ABTB2: variants seen among roughly 807,000 people sequenced by gnomAD.
The protein encoded by ABTB2 is ankyrin repeat and BTB/POZ domain-containing protein 2.
Under a neutral mutation model 104.1 loss-of-function variants are expected in ABTB2, and 56 were observed. The ratio of observed to expected loss-of-function variants is 0.54; its 90% CI spans 0.43 to 0.67. The LOEUF (loss-of-function observed/expected upper bound fraction) is 0.67. ABTB2 is among the 30% of genes least tolerant of loss of function. The pLI is 0.00. For missense variants in ABTB2, 1,279 were observed against 1,407.7 expected (o/e 0.91, Z 1.46); for synonymous variants, 606 against 608.2 (o/e 1.00, Z 0.05).
chr11:34,162,966 G>C lies in ABTB2; in HGVS notation c.1989-161C>G, dbSNP rs1294313653. 2.6e-5 allele frequency among the ~76,000 whole-genome samples: 4 copies of C among 152,266 alleles called. No individual in the cohort carries two copies. In the South Asian group the frequency reaches 8.3e-4, roughly 32 times the overall value. On this transcript the variant is annotated intron_variant, in intron 9 of 16. Transcript: ENST00000435224. ...CCTCCAGGCAGGCCAGGGGTCCCAG[G>C]GTCACCAATCCCCATATACCTCTGA...
At chr11:34,312,353 C>T (rs977736920) in intron 1 of ABTB2, among the ~76,000 whole-genome samples, 4 of 152,064 alleles carry the variant, frequency 2.6e-5, no homozygotes, top group Non-Finnish European at 2.9e-5. Context: ...GACTTAGGGC[C>T]AGAAGATTCA....
At chr11:34,261,884 C>T (rs1052705303) in intron 1 of ABTB2, among the ~76,000 whole-genome samples, 1 of 152,180 alleles carries the variant, frequency 6.6e-6, no homozygotes, top group Non-Finnish European at 1.5e-5. Context: ...CAAATTAAAT[C>T]AGACTTGTTG....
chr11:34,217,833 C>T (rs1853567584), intron 1 of ABTB2, among the ~76,000 whole-genome samples: 1 of 152,178 alleles, frequency 6.6e-6, no homozygotes, highest in Non-Finnish European at 1.5e-5. Context: ...TATCATATAC[C>T]TATGAGTAAC....
At chr11:34,321,684 T>C (rs968553266) in intron 1 of ABTB2, among the ~76,000 whole-genome samples, 6 of 152,218 alleles carry the variant, frequency 3.9e-5, no homozygotes, top group African/African-American at 1.4e-4. Flanking sequence ...TGCATCAAGA[T>C]GTTGGGTTTT....
At chr11:34,294,835 C>T (rs1479150922) in intron 1 of ABTB2, among the ~76,000 whole-genome samples, 1 of 152,074 alleles carries the variant, frequency 6.6e-6, no homozygotes, top group East Asian at 1.9e-4. Context: ...CTGCCTCAGC[C>T]TCCTGAGCAG....
intron 1 of ABTB2, among the ~76,000 whole-genome samples, chr11:34,246,192 T>TCG (rs1853981340): frequency 1.3e-5 from 2 of 151,942 alleles, no homozygotes; most frequent in Non-Finnish European, 2.9e-5. Context: ...AACAACAAAA[T>TCG]CCCCTCAGGC....
chr11:34,160,677 GTGTA>G (rs1195490172), intron 11 of ABTB2, among the ~76,000 whole-genome samples: 1 of 81,020 alleles, frequency 1.2e-5, no homozygotes, highest in Non-Finnish European at 2.5e-5. Flanking sequence ...GCGTGTGTGT[GTGTA>G]TGTGTGTGTT....
intron 1 of ABTB2, among the ~76,000 whole-genome samples, chr11:34,249,385 T>G (rs1854026724): frequency 6.6e-6 from 1 of 152,206 alleles, no homozygotes; most frequent in Non-Finnish European, 1.5e-5. Context: ...CATAAAAATA[T>G]CCAGAGCTGG....
chr11:34,242,401 TGAAG>T (rs1853930601), intron 1 of ABTB2: 1 of 152,236 alleles, frequency 6.6e-6, no homozygotes, highest in South Asian at 2.1e-4. Context: ...AGATAGTGGC[TGAAG>T]GGAGCTTGGC....
At chr11:34,251,020 A>T (rs1172093229) in intron 1 of ABTB2, among the ~76,000 whole-genome samples, 1 of 152,074 alleles carries the variant, frequency 6.6e-6, no homozygotes, top group African/African-American at 2.4e-5. Flanking sequence ...CCCTATATTT[A>T]CTCCTCCTTC....
chr11:34,241,377 A>G (rs2133063318), intron 1 of ABTB2, among the ~76,000 whole-genome samples: 1 of 152,292 alleles, frequency 6.6e-6, no homozygotes, highest in East Asian at 1.9e-4. Flanking sequence ...AACCAGGGAC[A>G]GTCCAAGGGT....
chr11:34,239,809 C>G (rs1853890562), intron 1 of ABTB2, among the ~76,000 whole-genome samples: 1 of 152,218 alleles, frequency 6.6e-6, no homozygotes, highest in South Asian at 2.1e-4. Context: ...AGCTGTCACT[C>G]TGCCCCTCCC....
intron 1 of ABTB2, among the ~76,000 whole-genome samples, chr11:34,352,679 C>T (rs1402612909): frequency 6.6e-6 from 1 of 152,214 alleles, no homozygotes; most frequent in Non-Finnish European, 1.5e-5. Context: ...GCTAGGTGCT[C>T]TTACTATGTC....
intron 1 of ABTB2, among the ~76,000 whole-genome samples, chr11:34,308,868 C>CAAAAAAAAAAAAAAAAAAAA (rs57658114): frequency 1.4e-4 from 11 of 77,786 alleles, no homozygotes; most frequent in Middle Eastern, 8.2e-3. Context: ...GAAACTGTCT[C>CAAAAAAAAAAAAAAAAAAAA]AAAAAAAAAA....
At position 34,164,747 on chromosome 11, in the gene ABTB2, T is replaced by C. The variant is rs770927263; in HGVS notation, c.1927A>G (p.Met643Val). Reference protein sequence around the residue: ...PLLSMLEAHGMGSSLHEDMNC... With the variant: ...PLLSMLEAHGVGSSLHEDMNC... ...ATGTCCTCGTGGAGGGAGGAGCCCA[T>C]GCCGTGGGCCTCCAGCATGCTGAGG... Residue 643 changes from methionine (M) to valine (V), a missense_variant, in exon 9 of 17, where the codon ATG (methionine) becomes GTG (valine). By Grantham distance (21) the Met-to-Val change is conservative. Coordinates refer to ENST00000435224, the MANE Select transcript of ABTB2 (RefSeq NM_145804.3). The C allele has an allele frequency of 2.6e-6, 4 of 1,558,018 alleles. No homozygotes were observed. The highest frequency in any genetic ancestry group is 2.2e-5 in the Admixed American group (1 of 45,040).
rs1399405581 is a variant in ABTB2, at chr11:34,357,265, C to A, written c.319G>T (p.Val107Leu). 3 of 1,496,454 alleles carry A rather than the reference C, an allele frequency of 2.0e-6. No homozygotes were observed. In the East Asian group the frequency reaches 7.6e-5, roughly 38 times the overall value. The allele number at this position is 1,496,454 out of a possible 1,614,324, so 92.7% of individuals were successfully genotyped here. ...FPWTEGDVAR[V>L]LRKGAGGRRL... is the part of the protein sequence containing the mutation. ...CGGCCGCCAGCGCCTTTGCGGAGCACCCGGGCCACGTCTCCTTCGGTCCAG... is the reference window on the plus strand; with the variant it reads ...CGGCCGCCAGCGCCTTTGCGGAGCAACCGGGCCACGTCTCCTTCGGTCCAG... The change falls in exon 1 of 17, where the codon GTG becomes TTG. Residue 107 changes from valine (V) to leucine (L), a missense_variant. Coordinates refer to ENST00000435224, the MANE Select transcript of ABTB2 (RefSeq NM_145804.3).
intron 1 of ABTB2, among the ~76,000 whole-genome samples, chr11:34,217,714 G>A (rs886872866): frequency 2.0e-5 from 3 of 152,180 alleles, no homozygotes; most frequent in Admixed American, 1.3e-4. Context: ...TGCCTGCCGC[G>A]GCCTCCCAAA....
At chr11:34,204,412 A>G (rs1030653279) in intron 2 of ABTB2, 132 bp downstream of exon 2, 47 of 1,117,128 alleles carry the variant, frequency 4.2e-5, no homozygotes, top group Admixed American at 8.6e-5. Context: ...GCTTTCAGGG[A>G]AGGCAAGGCA....
chr11:34,243,801 G>GA, intron 1 of ABTB2, among the ~76,000 whole-genome samples: 1 of 152,128 alleles, frequency 6.6e-6, no homozygotes, highest in African/African-American at 2.4e-5. Flanking sequence ...TGAATGTCTA[G>GA]AGCACGGTTC....
Sources: allele counts gnomAD v4.1 joint callset (sites outside exome capture counted in the v4.1 genomes callset), GRCh38; gene constraint gnomAD v4.1.1; transcripts MANE v1.5; gene names NCBI Gene and HGNC (gene_info 2026-07-23, HGNC 2026-07-21).